The following ARHGAP10 variants were observed in gnomAD, a reference collection of about 807,000 sequenced individuals.
The protein encoded by ARHGAP10 is Rho GTPase activating protein 10, also known as rho GTPase-activating protein 10.
In ARHGAP10, 87 loss-of-function variants were observed where a neutral mutation model predicts 108.6. The observed-to-expected ratio is 0.80, with a 90% CI of 0.67 to 0.96. The LOEUF (loss-of-function observed/expected upper bound fraction) is 0.96, where lower values mean the gene tolerates loss of function less well. Ranked by LOEUF, ARHGAP10 falls within the 40% of genes least tolerant of loss-of-function variation. The pLI is 0.00. For synonymous variants in ARHGAP10, 347 were observed against 341.1 expected, an observed-to-expected ratio of 1.02 and a Z score of -0.19; for missense variants, 939 against 954.5, an observed-to-expected ratio of 0.98 and a Z score of 0.21.
chr4:148,033,322 C>T (rs971678344), intron 19 of ARHGAP10, among the ~76,000 whole-genome samples: 2 of 152,184 alleles, frequency 1.3e-5, no homozygotes, highest in African/African-American at 4.8e-5. Flanking sequence ...CACACATAGG[C>T]TTCCAGCCAT....
At chr4:147,971,003 G>A (rs1739384657) in intron 18 of ARHGAP10, among the ~76,000 whole-genome samples, 1 of 146,620 alleles carries the variant, frequency 6.8e-6, no homozygotes, top group Admixed American at 7.0e-5. Context: ...TGAGGCAGAA[G>A]AATTGCTTGA....
At chr4:148,030,399 A>G (rs1403786649) in intron 19 of ARHGAP10, among the ~76,000 whole-genome samples, 1 of 152,208 alleles carries the variant, frequency 6.6e-6, no homozygotes, top group Non-Finnish European at 1.5e-5. Context: ...CAACCAAAGT[A>G]TTGTTTATCC....
intron 10 of ARHGAP10, among the ~76,000 whole-genome samples, chr4:147,901,899 T>G (rs1736264688): frequency 6.6e-6 from 1 of 152,190 alleles, no homozygotes; most frequent in African/African-American, 2.4e-5. Flanking sequence ...TGAGCATCAG[T>G]GGAAAACTTT....
At chr4:148,022,848 G>C (rs1266641264) in intron 18 of ARHGAP10, among the ~76,000 whole-genome samples, 1 of 152,124 alleles carries the variant, frequency 6.6e-6, no homozygotes, top group Admixed American at 6.5e-5. Flanking sequence ...TTCTGTTTAC[G>C]TAGTTTGGAA....
At position 147,732,541 on chromosome 4, in the gene ARHGAP10, G is replaced by T. The variant is rs957551210; in HGVS notation, c.154+86G>T. ...CTCGGCAGGAGACGGAGGGTCTTGT[G>T]TCCGGGGCCAGCAGCCAGAGGAACG... is the stretch of plus-strand genomic sequence containing the variant. On this transcript the variant is annotated intron_variant, in intron 1 of 22. Coordinates refer to ENST00000336498, the MANE Select transcript of ARHGAP10 (RefSeq NM_024605.4). The T allele has an allele frequency of 1.9e-6, 3 of 1,551,452 alleles. No homozygotes were observed. In the Admixed American group the frequency reaches 5.4e-5, roughly 28 times the overall value.
intron 1 of ARHGAP10, among the ~76,000 whole-genome samples, chr4:147,738,021 T>TG (rs1236012576): frequency 6.1e-5 from 9 of 147,070 alleles, no homozygotes; most frequent in South Asian, 2.1e-4. Context: ...TTGTTGTTGT[T>TG]TTTTTTTTTT....
chr4:147,958,092 G>A (rs1302443834), intron 16 of ARHGAP10, among the ~76,000 whole-genome samples: 1 of 152,146 alleles, frequency 6.6e-6, no homozygotes, highest in East Asian at 1.9e-4. Context: ...CTGGTCTATG[G>A]GGAATACAAA....
chr4:147,936,563 T>A (rs1020337294), intron 13 of ARHGAP10, among the ~76,000 whole-genome samples: 8 of 151,860 alleles, frequency 5.3e-5, no homozygotes, highest in Non-Finnish European at 1.2e-4. Context: ...TCTCCTGACC[T>A]CATGATCCAC....
intron 5 of ARHGAP10, chr4:147,862,393 G>A (rs1156729770): frequency 6.6e-6 from 1 of 152,412 alleles, no homozygotes; most frequent in African/African-American, 2.4e-5. Context: ...CCCTGGTCCA[G>A]AGCTGTGGCT....
chr4:147,958,533 A>T (rs1261884454), intron 16 of ARHGAP10, among the ~76,000 whole-genome samples: 3 of 152,234 alleles, frequency 2.0e-5, no homozygotes, highest in Admixed American at 1.3e-4. Flanking sequence ...TCTGGGAAGC[A>T]AGACAAAAAT....
intron 1 of ARHGAP10, among the ~76,000 whole-genome samples, chr4:147,766,083 C>T (rs577144498): frequency 6.6e-6 from 1 of 152,142 alleles, no homozygotes; most frequent in South Asian, 2.1e-4. Context: ...GAGTTTGAGA[C>T]CAGCCTGGCC....
At chr4:147,968,613 G>A (rs1251692457) in intron 18 of ARHGAP10, among the ~76,000 whole-genome samples, 1 of 152,104 alleles carries the variant, frequency 6.6e-6, no homozygotes, top group Non-Finnish European at 1.5e-5. Context: ...TTGTTTCTCT[G>A]TAATCAAGGG....
At chr4:147,923,327 T>G (rs1737323942) in intron 13 of ARHGAP10, among the ~76,000 whole-genome samples, 1 of 152,210 alleles carries the variant, frequency 6.6e-6, no homozygotes, top group Non-Finnish European at 1.5e-5. Flanking sequence ...CCATGAGCAG[T>G]GCATTGTCTC....
At chr4:148,008,293 A>C (rs1741029423) in intron 18 of ARHGAP10, among the ~76,000 whole-genome samples, 1 of 151,940 alleles carries the variant, frequency 6.6e-6, no homozygotes, top group South Asian at 2.1e-4. Context: ...TATCTCCCCC[A>C]GTTTCATGTC....
chr4:147,977,745 C>CTG (rs1240510400), intron 18 of ARHGAP10, among the ~76,000 whole-genome samples: 3 of 152,012 alleles, frequency 2.0e-5, no homozygotes, highest in African/African-American at 7.3e-5. Context: ...AGCTTTGATC[C>CTG]TGTCACCCAT....
chr4:147,911,536 G>C (rs570776009), intron 12 of ARHGAP10, among the ~76,000 whole-genome samples: 3 of 152,246 alleles, frequency 2.0e-5, no homozygotes, highest in Admixed American at 6.5e-5. Flanking sequence ...CTAATTTATT[G>C]TATTTTTAGT....
intron 6 of ARHGAP10, 125 bp downstream of exon 6, chr4:147,865,081 T>G: frequency 1.2e-6 from 1 of 812,804 alleles, no homozygotes; most frequent in Non-Finnish European, 1.9e-6. Context: ...AAGAGACATA[T>G]TAAAAAGGGC....
chr4:147,988,594 C>T (rs1450517911), intron 18 of ARHGAP10, among the ~76,000 whole-genome samples: 2 of 152,144 alleles, frequency 1.3e-5, no homozygotes, highest in Non-Finnish European at 2.9e-5. Context: ...TACACACACA[C>T]CAAAAAGTGT....
At chr4:147,792,615 T>G (rs181238815) in intron 1 of ARHGAP10, among the ~76,000 whole-genome samples, 65 of 152,356 alleles carry the variant, frequency 4.3e-4, no homozygotes, top group Admixed American at 2.2e-3. Flanking sequence ...GCTTTATTAT[T>G]CCTTATCTAG....
Sources: allele counts gnomAD v4.1 joint callset (sites outside exome capture counted in the v4.1 genomes callset), GRCh38; gene constraint gnomAD v4.1.1; transcripts MANE v1.5; gene names NCBI Gene and HGNC (gene_info 2026-07-23, HGNC 2026-07-21).